Variants in ATP10D observed in about 807,000 individuals in gnomAD.
ATP10D encodes phospholipid-transporting ATPase VD.
In ATP10D, 89 loss-of-function variants were observed where a neutral mutation model predicts 144.8. The ratio of observed to expected loss-of-function variants is 0.61; its 90% CI spans 0.52 to 0.73. The LOEUF (loss-of-function observed/expected upper bound fraction) is 0.73, where lower values mean the gene tolerates loss of function less well. ATP10D is among the 30% of genes least tolerant of loss of function. ATP10D has a pLI of 0.00. For missense variants in ATP10D, 1,603 were observed against 1,714.8 expected, an observed-to-expected ratio of 0.93 and a Z score of 1.15; for synonymous variants, 571 against 615.1, an observed-to-expected ratio of 0.93 and a Z score of 1.06.
intron 5 of ATP10D, among the ~76,000 whole-genome samples, chr4:47,526,611 C>A (rs911851000): frequency 3.9e-5 from 6 of 152,092 alleles, no homozygotes; most frequent in African/African-American, 1.4e-4. Flanking sequence ...GTATAATGTT[C>A]TTTGTAGAAA....
intron 1 of ATP10D, among the ~76,000 whole-genome samples, chr4:47,505,365 C>T (rs1270947288): frequency 6.6e-6 from 1 of 152,198 alleles, no homozygotes; most frequent in African/African-American, 2.4e-5. Flanking sequence ...GTACTATCTG[C>T]AAGTGTGTTA....
intron 21 of ATP10D, among the ~76,000 whole-genome samples, chr4:47,582,408 G>C (rs571604480): frequency 1.3e-5 from 2 of 152,270 alleles, no homozygotes; most frequent in South Asian, 4.2e-4. Flanking sequence ...CATAATCCTG[G>C]TACAGTGACT....
At chr4:47,584,724 G>T (rs1336063871) in intron 21 of ATP10D, among the ~76,000 whole-genome samples, 2 of 152,054 alleles carry the variant, frequency 1.3e-5, no homozygotes, top group Non-Finnish European at 2.9e-5. Context: ...TAAAAAATTG[G>T]AGCAAAATGG....
chr4:47,547,546 G>C (rs910565631), intron 10 of ATP10D: 9 of 152,200 alleles, frequency 5.9e-5, no homozygotes, highest in African/African-American at 1.7e-4. Flanking sequence ...AAAATTACCT[G>C]TATAAAAGTT....
At position 47,557,761 on chromosome 4, in the gene ATP10D, C is replaced by T. The variant is rs755937043; in HGVS notation, c.1922C>T (p.Ser641Leu). The T allele has an allele frequency of 7.4e-5, 120 of 1,614,100 alleles. No homozygotes were observed. The highest frequency in any genetic ancestry group is 9.3e-5 in the Non-Finnish European group (110 of 1,180,042). Residue 641 changes from serine (S) to leucine (L), a missense_variant, in exon 12 of 23, where the codon TCG becomes TTG. Ser to Leu is a moderately radical substitution (Grantham distance 145). Coordinates refer to ENST00000273859, the MANE Select transcript of ATP10D (RefSeq NM_020453.4). Reference protein sequence around the residue: ...RWSVRRSSSPSLNSGKEPSSG... With the variant: ...RWSVRRSSSPLLNSGKEPSSG... ...TCTGTCCGAAGATCAAGTTCTCCATCGCTTAACAGTGGGAAAGAGCCATCT... is the reference window on the plus strand; with the variant it reads ...TCTGTCCGAAGATCAAGTTCTCCATTGCTTAACAGTGGGAAAGAGCCATCT...
intron 3 of ATP10D, among the ~76,000 whole-genome samples, chr4:47,518,485 C>T (rs11724087): frequency 0.41 from 62,119 of 151,964 alleles, 13,942 homozygotes; most frequent in South Asian, 0.49. Context: ...TTCAACAAAT[C>T]TGAGTGCCTG....
At position 47,570,764 on chromosome 4, in the gene ATP10D, C is replaced by T. The variant is rs183574170; in HGVS notation, c.3164-1390C>T. 2.6e-4 allele frequency among the ~76,000 whole-genome samples: 39 copies of T among 149,560 alleles called. 1 individual carries two copies. Among genetic ancestry groups the T allele is most frequent in the Admixed American group, 1.9e-3 (29 of 14,950 alleles). On this transcript the variant is annotated intron_variant, in intron 16 of 22. Coordinates refer to ENST00000273859, the MANE Select transcript of ATP10D (RefSeq NM_020453.4). ...GTTGCAGTGAGCTGAGATTATGCCA[C>T]TGAATTACAGCCTAGGAGACAGAGC...
intron 1 of ATP10D, among the ~76,000 whole-genome samples, chr4:47,500,021 A>G (rs1715601033): frequency 6.6e-6 from 1 of 152,210 alleles, no homozygotes; most frequent in African/African-American, 2.4e-5. Flanking sequence ...ATTATATCAC[A>G]TTTAGAGGCA....
intron 5 of ATP10D, among the ~76,000 whole-genome samples, chr4:47,528,253 C>CCTTT (rs1449625368): frequency 6.6e-6 from 1 of 151,960 alleles, no homozygotes; most frequent in African/African-American, 2.4e-5. Flanking sequence ...CTCCCACCCT[C>CCTTT]CTTTCTTTTG....
rs1392751346 is a variant in ATP10D at position 47,591,546 on chromosome 4, T to A, written c.*165T>A. On this transcript the variant is annotated 3_prime_UTR_variant, in exon 23 of 23. Coordinates refer to ENST00000273859, the MANE Select transcript of ATP10D (RefSeq NM_020453.4). ...CATTATTGTATGTTTGTATATACATTTGTGATAGAGGGCTAGAGTTTGACC... is the reference window on the plus strand; with the variant it reads ...CATTATTGTATGTTTGTATATACATATGTGATAGAGGGCTAGAGTTTGACC... 1 of 553,788 alleles carries A rather than the reference T, an allele frequency of 1.8e-6. No homozygotes were observed. The highest frequency in any genetic ancestry group is 3.1e-6 in the Non-Finnish European group (1 of 323,876). 34.3% of individuals were successfully genotyped at this position (553,788 alleles called of 1,614,324 possible). A position where few individuals can be genotyped will look rare whatever the true frequency, so the allele number is the denominator to read the frequency against.
intron 5 of ATP10D, among the ~76,000 whole-genome samples, chr4:47,526,378 A>G (rs899306499): frequency 1.1e-4 from 17 of 152,200 alleles, no homozygotes; most frequent in Non-Finnish European, 2.2e-4. Flanking sequence ...ACAAAATCTA[A>G]CTTTCATTCC....
At chr4:47,551,831 G>T (rs1249092219) in intron 10 of ATP10D, among the ~76,000 whole-genome samples, 1 of 152,184 alleles carries the variant, frequency 6.6e-6, no homozygotes, top group Admixed American at 6.5e-5. Context: ...GGAAGATTTG[G>T]ATCTTGGGAG....
intron 11 of ATP10D, chr4:47,557,101 A>G (rs1577680926): frequency 6.6e-6 from 1 of 152,104 alleles, no homozygotes; most frequent in East Asian, 1.9e-4. Flanking sequence ...CTTTTTTTAT[A>G]CTAGTCTCAT....
chr4:47,504,664 G>A (rs563405299), intron 1 of ATP10D, among the ~76,000 whole-genome samples: 24 of 151,988 alleles, frequency 1.6e-4, no homozygotes, highest in Non-Finnish European at 1.3e-4. Context: ...CCGGGTTCAC[G>A]CCATTCTGCT....
chr4:47,499,891 T>C (rs1250600081), intron 1 of ATP10D, among the ~76,000 whole-genome samples: 1 of 152,250 alleles, frequency 6.6e-6, no homozygotes, highest in Non-Finnish European at 1.5e-5. Flanking sequence ...TGTCTTCCTG[T>C]TGCAGAGTTT....
rs115397405 is a variant in ATP10D, at chr4:47,517,903, T to A, written c.485+2233T>A. On this transcript the variant is annotated intron_variant, in intron 3 of 22. Coordinates refer to ENST00000273859, the MANE Select transcript of ATP10D (RefSeq NM_020453.4). ...ATATCCATTCTAAGATGTTCCTTTA[T>A]GTTTGTGTTTCTTAATAGGCTCAGG... Among the ~76,000 whole-genome samples the A allele has an allele frequency of 2.6e-5, 4 of 152,186 alleles. No homozygotes were observed. In the South Asian group the frequency reaches 8.3e-4, roughly 32 times the overall value.
chr4:47,583,736 AAT>A (rs1313102210), intron 21 of ATP10D, among the ~76,000 whole-genome samples: 1 of 152,108 alleles, frequency 6.6e-6, no homozygotes, highest in African/African-American at 2.4e-5. Flanking sequence ...GATTATGAGC[AAT>A]ATCATCTGAA....
In ATP10D at chr4:47,557,742, C is replaced by G. The variant is rs777603269; in HGVS notation, c.1903C>G (p.Arg635Gly). 1.9e-6 allele frequency: 3 copies of G among 1,614,080 alleles called. No individual in the cohort carries two copies. Among genetic ancestry groups the G allele is most frequent in the Admixed American group, 3.3e-5 (2 of 60,008 alleles). Residue 635 changes from arginine to glycine, a missense_variant, in exon 12 of 23, where the codon CGA (arginine) becomes GGA (glycine). Transcript: ENST00000273859. ...IKSLFQRWSV[R>G]RSSSPSLNSG... ...AAGTCTTTTCCAGAGATGGTCTGTCCGAAGATCAAGTTCTCCATCGCTTAA... is the reference window on the plus strand; with the variant it reads ...AAGTCTTTTCCAGAGATGGTCTGTCGGAAGATCAAGTTCTCCATCGCTTAA...
chr4:47,553,622 A>G (rs1385014111), intron 10 of ATP10D, among the ~76,000 whole-genome samples: 1 of 152,204 alleles, frequency 6.6e-6, no homozygotes, highest in Non-Finnish European at 1.5e-5. Context: ...TATTTTTACC[A>G]TTAGGTAGAA....
Sources: allele counts gnomAD v4.1 joint callset (sites outside exome capture counted in the v4.1 genomes callset), GRCh38; gene constraint gnomAD v4.1.1; transcripts MANE v1.5; gene names NCBI Gene and HGNC (gene_info 2026-07-23, HGNC 2026-07-21).